DNAH8: variants seen among roughly 807,000 people sequenced by gnomAD.
The protein encoded by DNAH8 is dynein axonemal heavy chain 8.
In DNAH8, 382 loss-of-function variants were observed where a neutral mutation model predicts 562.1. The observed-to-expected ratio is 0.68, with a 90% CI of 0.63 to 0.74. DNAH8 has a LOEUF of 0.74. Among genes scored for constraint, DNAH8 ranks in the 30% least tolerant of loss-of-function variants. DNAH8 has a pLI of 0.00. For synonymous variants in DNAH8, 1,881 were observed against 1,919.4 expected (o/e 0.98, Z 0.52); for missense variants, 5,203 against 5,620.4 (o/e 0.93, Z 2.37).
At position 38,853,234 on chromosome 6, in the gene DNAH8, G is replaced by T. The variant is rs1352768772; in HGVS notation, c.5620G>T (p.Asp1874Tyr). Residue 1874 changes from aspartate to tyrosine, a missense_variant, in exon 41 of 93, where the codon GAT becomes TAT. By Grantham distance (160) the Asp-to-Tyr change is radical. Coordinates refer to ENST00000327475, the MANE Select transcript of DNAH8 (RefSeq NM_001206927.2). ...AGGTCCTGTGGAGATTTGGCTACTGGATTTGTTAAAAATGCAGATGTCATC... is the reference window on the plus strand; with the variant it reads ...AGGTCCTGTGGAGATTTGGCTACTGTATTTGTTAAAAATGCAGATGTCATC... ...AKGPVEIWLL[D>Y]LLKMQMSSLH... is the part of the protein sequence containing the mutation. 6.2e-7 allele frequency: 1 copy of T among 1,613,030 alleles called. No individual in the cohort carries two copies.
chr6:38,977,999 T>C (rs1763787978), intron 85 of DNAH8, among the ~76,000 whole-genome samples: 1 of 152,218 alleles, frequency 6.6e-6, no homozygotes, highest in African/African-American at 2.4e-5. Context: ...AATGGCCAAA[T>C]GGCCACAACC....
intron 47 of DNAH8, 49 bp downstream of exon 47, chr6:38,866,925 T>C (rs750729372): frequency 8.7e-7 from 1 of 1,149,516 alleles, no homozygotes; most frequent in South Asian, 1.4e-5. Flanking sequence ...TTGGTTTTTT[T>C]GCTTTGTAAT....
In DNAH8 at chr6:38,826,383, C is replaced by T; in HGVS notation, c.4075C>T (p.Pro1359Ser). ...AATTCAAATGGACATGACTTTGGGACCAATTGAAGTAAGAAATGATTGCAT... is the reference window on the plus strand; with the variant it reads ...AATTCAAATGGACATGACTTTGGGATCAATTGAAGTAAGAAATGATTGCAT... Reference protein sequence around the residue: ...NEIQMDMTLGPIEEAYAILNR... With the variant: ...NEIQMDMTLGSIEEAYAILNR... The change falls in exon 29 of 93, where the codon CCA becomes TCA. Residue 1359 changes from proline (P) to serine (S), a missense_variant. By Grantham distance (74) the Pro-to-Ser change is moderately conservative (BLOSUM62 -1). This residue lies in a region of DNAH8 where 2,176 missense variants were observed against 2,365.1 expected (regional missense o/e 0.92). Transcript: ENST00000327475. The T allele has an allele frequency of 6.3e-7, 1 of 1,582,316 alleles. No homozygotes were observed. Among genetic ancestry groups the T allele is most frequent in the Non-Finnish European group, 8.6e-7 (1 of 1,166,730 alleles).
intron 31 of DNAH8, among the ~76,000 whole-genome samples, chr6:38,833,771 G>A (rs1433458124): frequency 1.3e-5 from 2 of 152,048 alleles, no homozygotes; most frequent in Non-Finnish European, 2.9e-5. Flanking sequence ...CCCAATTTAT[G>A]AATTACTGTG....
At chr6:38,753,966 C>T (rs1001001842) in intron 9 of DNAH8, among the ~76,000 whole-genome samples, 6 of 152,128 alleles carry the variant, frequency 3.9e-5, no homozygotes, top group African/African-American at 1.4e-4. Context: ...CCTTTTTCCC[C>T]CTCATTTTCT....
chr6:39,006,375 C>G (rs1765801292), intron 88 of DNAH8, among the ~76,000 whole-genome samples: 1 of 152,104 alleles, frequency 6.6e-6, no homozygotes, highest in Non-Finnish European at 1.5e-5. Context: ...CTCTTTAATA[C>G]TTGTATTTTC....
At chr6:38,985,241 C>G (rs543085354) in intron 87 of DNAH8, among the ~76,000 whole-genome samples, 1 of 152,260 alleles carries the variant, frequency 6.6e-6, no homozygotes, top group South Asian at 2.1e-4. Context: ...TAAATAACAC[C>G]TACCAGACTC....
At chr6:39,001,281 T>C (rs1460818262) in intron 88 of DNAH8, among the ~76,000 whole-genome samples, 3 of 152,010 alleles carry the variant, frequency 2.0e-5, no homozygotes, top group Non-Finnish European at 4.4e-5. Context: ...GCATTTTGCA[T>C]ACAGAGATTT....
At position 38,883,924 on chromosome 6, in the gene DNAH8, C is replaced by T. The variant is rs1410924410; in HGVS notation, c.8185C>T (p.Pro2729Ser). 1.3e-6 allele frequency: 2 copies of T among 1,591,026 alleles called. No homozygotes were observed. The highest frequency in any genetic ancestry group is 2.3e-5 in the East Asian group (1 of 43,648). Residue 2729 changes from proline (P) to serine (S), a missense_variant, in exon 56 of 93, where the codon CCA (proline) becomes TCA (serine). Physicochemically the swap from Pro to Ser is moderately conservative, Grantham distance 74. Around this residue, in one of 6 missense-constraint regions of DNAH8, gnomAD observed 977 missense variants for 1,061.8 expected, o/e 0.92. Transcript: ENST00000327475. ...VDKRIGSTYG[P>S]PGGRKMTVFI... Reference sequence around the variant, plus strand: ...TAAGCGAATTGGAAGCACATATGGGCCACCAGGAGGGAGAAAAATGACTGT... The same window carrying T: ...TAAGCGAATTGGAAGCACATATGGGTCACCAGGAGGGAGAAAAATGACTGT...
intron 3 of DNAH8, among the ~76,000 whole-genome samples, chr6:38,725,305 A>ATAATAATAATAATAC (rs1763123196): frequency 7.1e-4 from 1 of 1,406 alleles, no homozygotes; most frequent in South Asian, 0.014. Context: ...TCCAACTCAT[A>ATAATAATAATAATAC]TAATAATAAT....
chr6:38,845,617 A>G lies in DNAH8; in HGVS notation c.4889A>G (p.Lys1630Arg), dbSNP rs1026014401. The G allele has an allele frequency of 6.8e-6, 11 of 1,613,884 alleles. No individual in the cohort carries two copies. The Admixed American group carries it at 8.3e-5, about 12-fold the overall frequency. ...SAIKEKDIEA[K>R]LTQVIENWTN... ...ATTAAGGAGAAGGATATCGAAGCCA[A>G]GCTGACTCAGGTGATTGAGAATTGG... Residue 1630 changes from lysine to arginine, a missense_variant, in exon 36 of 93, where the codon AAG becomes AGG. By Grantham distance (26) the Lys-to-Arg change is conservative. Around this residue, in one of 6 missense-constraint regions of DNAH8, gnomAD observed 2,176 missense variants for 2,365.1 expected, o/e 0.92. Transcript: ENST00000327475.
At chr6:38,875,500 C>A in intron 52 of DNAH8, 91 bp from the exon 53 acceptor site, 1 of 788,714 alleles carries the variant, frequency 1.3e-6, no homozygotes, top group Non-Finnish European at 1.9e-6. Context: ...TTTCTTCTCT[C>A]TTCCTTCCTC....
At chr6:38,962,046 C>T (rs2150667081) in intron 82 of DNAH8, among the ~76,000 whole-genome samples, 1 of 151,970 alleles carries the variant, frequency 6.6e-6, no homozygotes, top group Middle Eastern at 3.4e-3. Context: ...AGATGTAAAA[C>T]TCCTCTTCAT....
intron 25 of DNAH8, among the ~76,000 whole-genome samples, chr6:38,814,409 C>T (rs1040957152): frequency 5.9e-5 from 9 of 152,096 alleles, no homozygotes; most frequent in Admixed American, 6.6e-5. Context: ...GGTGAAACCC[C>T]GTCTCCACTA....
At chr6:38,748,493 A>G (rs1308317445) in intron 8 of DNAH8, among the ~76,000 whole-genome samples, 1 of 152,046 alleles carries the variant, frequency 6.6e-6, no homozygotes. Context: ...TTCAGAGCAT[A>G]TTATTTCTGT....
rs774986794 is a variant in DNAH8, at chr6:38,786,897, C to A, written c.2528C>A (p.Ala843Glu). ...IKMKLDVPEQ[A>E]KRLLKLESKL... ...ATGAAGTTGGATGTACCAGAACAGGCAAAGAGATTGCTAAAATTGGAAAGT... is the reference window on the plus strand; with the variant it reads ...ATGAAGTTGGATGTACCAGAACAGGAAAAGAGATTGCTAAAATTGGAAAGT... Residue 843 changes from alanine (A) to glutamate (E), a missense_variant, in exon 18 of 93, where the codon GCA (alanine) becomes GAA (glutamate). Around this residue, in one of 6 missense-constraint regions of DNAH8, gnomAD observed 2,176 missense variants for 2,365.1 expected, o/e 0.92. Coordinates refer to ENST00000327475, the MANE Select transcript of DNAH8 (RefSeq NM_001206927.2). 7.5e-6 allele frequency: 12 copies of A among 1,609,042 alleles called. No individual in the cohort carries two copies. Among genetic ancestry groups the A allele is most frequent in the Middle Eastern group, 1.7e-4 (1 of 6,044 alleles).
intron 11 of DNAH8, among the ~76,000 whole-genome samples, chr6:38,769,989 A>G (rs1767403781): frequency 6.6e-6 from 1 of 152,206 alleles, no homozygotes. Context: ...GATTTCAGCA[A>G]TGTACTCATC....
At chr6:38,987,111 G>A (rs1764453662) in intron 87 of DNAH8, among the ~76,000 whole-genome samples, 1 of 152,224 alleles carries the variant, frequency 6.6e-6, no homozygotes, top group Admixed American at 6.5e-5. Flanking sequence ...CTCAGGCATG[G>A]AGATAAGGAT....
At chr6:38,781,993 C>T (rs1678663) in intron 16 of DNAH8, among the ~76,000 whole-genome samples, 41,669 of 151,952 alleles carry the variant, frequency 0.27, 6,520 homozygotes, top group East Asian at 0.46. Flanking sequence ...ATCTCGTGCC[C>T]TTTGCTGAAA....
Sources: allele counts gnomAD v4.1 joint callset (sites outside exome capture counted in the v4.1 genomes callset), GRCh38; gene constraint gnomAD v4.1.1; regional missense constraint gnomAD v4.1.1; transcripts MANE v1.5; gene names NCBI Gene and HGNC (gene_info 2026-07-23, HGNC 2026-07-21).